FN1: variants seen among roughly 807,000 people sequenced by gnomAD.
The protein encoded by FN1 is fibronectin.
Under a neutral mutation model 297.3 loss-of-function variants are expected in FN1, and 106 were observed. The observed-to-expected ratio is 0.36, with a 90% confidence interval of 0.30 to 0.42. The LOEUF (loss-of-function observed/expected upper bound fraction) is 0.42. FN1 is among the 10% of genes least tolerant of loss of function. The pLI, the probability that FN1 is intolerant of heterozygous loss-of-function variation, is 1.00. For synonymous variants in FN1, 1,149 were observed against 1,152.6 expected (o/e 1.00, Z 0.06); for missense variants, 2,690 against 3,124.9 (o/e 0.86, Z 3.32).
chr2:215,430,696 A>G lies in FN1; in HGVS notation c.685+19T>C. 1 of 1,613,282 alleles carries G rather than the reference A, an allele frequency of 6.2e-7. No individual in the cohort carries two copies. Among genetic ancestry groups the G allele is most frequent in the Middle Eastern group, 1.6e-4 (1 of 6,062 alleles). On this transcript the variant is annotated intron_variant, in intron 5 of 45. Coordinates refer to ENST00000354785, the MANE Select transcript of FN1 (RefSeq NM_212482.4). ...AACAATACCTGGCTTAATCTTTAAC[A>G]TAAAGATGTAAAACATACTTCTAGA... is the stretch of plus-strand genomic sequence containing the variant.
chr2:215,382,947 A>C (rs571791408), intron 31 of FN1, among the ~76,000 whole-genome samples: 7 of 152,282 alleles, frequency 4.6e-5, no homozygotes, highest in African/African-American at 1.7e-4. Context: ...TATAAAAAAG[A>C]ATATTAGGTG....
chr2:215,386,918 A>C lies in FN1; in HGVS notation c.4383T>G (p.Thr1461=). ...TCCAGTGCACAGTAAAAGAGTTGGC[A>C]GTAATATCAGAAAAGTCAATGCCAG... The part of the protein sequence containing the change: ...SPTGIDFSDI[T]ANSFTVHWIA... The change falls in exon 28 of 46, where the codon ACT becomes ACG. Residue 1461 remains threonine, a synonymous_variant. Transcript: ENST00000354785. 3 of 1,613,322 alleles carry C rather than the reference A, an allele frequency of 1.9e-6. No homozygotes were observed. The highest frequency in any genetic ancestry group is 2.5e-6 in the Non-Finnish European group (3 of 1,179,740).
chr2:215,432,859 G>A (rs919102833), intron 3 of FN1, among the ~76,000 whole-genome samples: 1 of 152,170 alleles, frequency 6.6e-6, no homozygotes, highest in African/African-American at 2.4e-5. Context: ...AAACCAGACT[G>A]TTTCTGTGAG....
At chr2:215,432,353 G>A (rs2066674989) in intron 3 of FN1, among the ~76,000 whole-genome samples, 1 of 152,198 alleles carries the variant, frequency 6.6e-6, no homozygotes, top group Non-Finnish European at 1.5e-5. Context: ...CCAGCTTTTG[G>A]GAGCATGGAG....
chr2:215,362,944 G>C (rs894926660), intron 44 of FN1: 1 of 152,238 alleles, frequency 6.6e-6, no homozygotes, highest in African/African-American at 2.4e-5. Flanking sequence ...GGTGGGTCCT[G>C]GGACTGTTCC....
intron 20 of FN1, among the ~76,000 whole-genome samples, chr2:215,401,353 A>AAAAG (rs754467832): frequency 3.3e-5 from 5 of 152,062 alleles, no homozygotes; most frequent in African/African-American, 2.4e-5. Context: ...AAAGGAAAGA[A>AAAAG]AAAGAAAGAA....
At position 215,367,865 on chromosome 2, in the gene FN1, G is replaced by C. The variant is rs758304187; in HGVS notation, c.7016C>G (p.Ser2339Cys). Residue 2339 changes from serine to cysteine, a missense_variant and splice_region_variant, in exon 42 of 46, where the codon TCT becomes TGT. Coordinates refer to ENST00000354785, the MANE Select transcript of FN1 (RefSeq NM_212482.4). ...FGSGHFRCDS[S>C]RWCHDNGVNY... ...GGATGGACAAAGCAACTACTCACTA[G>C]ATGAATCACATCTGAAATGACCACT... The C allele has an allele frequency of 1.9e-6, 3 of 1,613,958 alleles. No homozygotes were observed. Among genetic ancestry groups the C allele is most frequent in the Admixed American group, 1.7e-5 (1 of 60,012 alleles).
Position 215,410,006 on chromosome 2 carries a change from T to A in FN1, c.2050A>T (p.Ile684Phe). 6.2e-7 allele frequency: 1 copy of A among 1,614,006 alleles called. No homozygotes were observed. The highest frequency in any genetic ancestry group is 8.5e-7 in the Non-Finnish European group (1 of 1,180,010). The change falls in exon 14 of 46, where the codon ATC becomes TTC. Residue 684 changes from isoleucine to phenylalanine, a missense_variant. By Grantham distance (21) the Ile-to-Phe change is conservative. Transcript: ENST00000354785. ...ACTTCTTGGTGGCCGTACTGCTGGA[T>A]GCTGATGAGCTGGCCCTCGTATACC... ...GVVYEGQLIS[I>F]QQYGHQEVTR...
chr2:215,371,629 G>A (rs2056139858), intron 40 of FN1, among the ~76,000 whole-genome samples: 1 of 149,946 alleles, frequency 6.7e-6, no homozygotes, highest in African/African-American at 2.4e-5. Flanking sequence ...AAAAAAGCAG[G>A]GCTTAAATGT....
rs2053378834 is a variant in FN1, at chr2:215,361,150, T to C, written c.*405A>G. ...AACAAGATCATGCTTGTTCCTACAG[T>C]ATTGCGGGCCAGACACTTAAGTGAA... is the stretch of plus-strand genomic sequence containing the variant. On this transcript the variant is annotated 3_prime_UTR_variant, in exon 46 of 46. Coordinates refer to ENST00000354785, the MANE Select transcript of FN1 (RefSeq NM_212482.4). The C allele has an allele frequency of 9.1e-6, 2 of 219,750 alleles. No individual in the cohort carries two copies. Among genetic ancestry groups the C allele is most frequent in the Non-Finnish European group, 1.8e-5 (2 of 108,740 alleles). 13.6% of individuals were successfully genotyped at this position (219,750 alleles called of 1,614,324 possible). A position where few individuals can be genotyped will look rare whatever the true frequency, so the allele number is the denominator to read the frequency against.
At chr2:215,376,763 A>G (rs1261578247) in intron 35 of FN1, 89 bp from the exon 36 acceptor site, 1 of 1,114,714 alleles carries the variant, frequency 9.0e-7, no homozygotes, top group East Asian at 2.4e-5. Flanking sequence ...GGTATATATC[A>G]AATTCATCCA....
chr2:215,362,146 T>G (rs926571992), intron 44 of FN1, 67 bp from the exon 45 acceptor site: 2 of 1,245,822 alleles, frequency 1.6e-6, no homozygotes, highest in Non-Finnish European at 2.3e-6. Context: ...AATTTAGTGT[T>G]TGAGTTAAAG....
chr2:215,429,775 T>A (rs1248898094), intron 5 of FN1, among the ~76,000 whole-genome samples: 1 of 152,230 alleles, frequency 6.6e-6, no homozygotes, highest in Non-Finnish European at 1.5e-5. Context: ...TATAATACCT[T>A]GAACAAAGTA....
intron 33 of FN1, chr2:215,380,537 A>C: frequency 2.0e-6 from 1 of 491,364 alleles, no homozygotes; most frequent in South Asian, 2.3e-5. Context: ...AGAGCTTAGG[A>C]AATAATCCAC....
rs1176944901 is a variant in FN1 at position 215,434,679 on chromosome 2, G to A, written c.277+17C>T. On this transcript the variant is annotated intron_variant, in intron 2 of 45. Coordinates refer to ENST00000354785, the MANE Select transcript of FN1 (RefSeq NM_212482.4). ...ATGTATTAAAAGATACTAACTATGG[G>A]GCTTGTTGTCACTTACCTTCAGGTT... 2.5e-6 allele frequency: 4 copies of A among 1,613,828 alleles called. No homozygotes were observed. The highest frequency in any genetic ancestry group is 3.4e-6 in the Non-Finnish European group (4 of 1,179,954).
chr2:215,419,477 T>TA, intron 11 of FN1, 92 bp from the exon 12 acceptor site: 1 of 1,104,936 alleles, frequency 9.1e-7, no homozygotes, highest in Non-Finnish European at 1.4e-6. Flanking sequence ...TTAGCTTAAA[T>TA]AGAAATTTGC....
intron 13 of FN1, 133 bp downstream of exon 13, chr2:215,414,704 C>A: frequency 1.4e-6 from 2 of 1,458,240 alleles, no homozygotes; most frequent in Non-Finnish European, 9.1e-7. Context: ...TGTTTGTTCA[C>A]TAAACAAATA....
chr2:215,401,490 A>C (rs1255126723), intron 20 of FN1, among the ~76,000 whole-genome samples: 1 of 152,218 alleles, frequency 6.6e-6, no homozygotes, highest in African/African-American at 2.4e-5. Flanking sequence ...GTTCAAGGGT[A>C]TCAAGTGTGT....
At chr2:215,384,453 G>A (rs1189340310) in intron 29 of FN1, 7 of 491,982 alleles carry the variant, frequency 1.4e-5, no homozygotes, top group Non-Finnish European at 2.6e-5. Flanking sequence ...ATTAGAAGTG[G>A]GAGAAGGTAA....
Sources: gnomAD v4.1 joint callset for allele counts (sites outside exome capture counted in the v4.1 genomes callset) on GRCh38, gnomAD v4.1.1 for gene constraint, MANE v1.5 for transcripts, NCBI Gene and HGNC (gene_info 2026-07-23, HGNC 2026-07-21) for gene names.